Variants in SFT2D2 observed in about 807,000 individuals in gnomAD.
SFT2D2 encodes vesicle transport protein SFT2B.
Under a neutral mutation model 27.4 loss-of-function variants are expected in SFT2D2, and 21 were observed. The observed-to-expected ratio is 0.77, with a 90% CI of 0.54 to 1.10. SFT2D2 has a LOEUF of 1.10. SFT2D2 is among the 50% of genes least tolerant of loss of function. The pLI is 0.00. For synonymous variants in SFT2D2, 72 were observed against 71.7 expected (o/e 1.00, Z -0.02); for missense variants, 187 against 194.2 (o/e 0.96, Z 0.22).
At chr1:168,230,382 G>T (rs1482706394) in intron 1 of SFT2D2, among the ~76,000 whole-genome samples, 1 of 152,164 alleles carries the variant, frequency 6.6e-6, no homozygotes, top group African/African-American at 2.4e-5. Context: ...TGTGGTGTTG[G>T]TCTCTTACGG....
chr1:168,229,301 G>T (rs146434557), intron 1 of SFT2D2, among the ~76,000 whole-genome samples: 64 of 152,258 alleles, frequency 4.2e-4, no homozygotes, highest in African/African-American at 1.3e-3. Flanking sequence ...CTCACTGCAG[G>T]CTCCGCCTCC....
intron 6 of SFT2D2, among the ~76,000 whole-genome samples, chr1:168,237,861 G>A (rs74401649): frequency 1.0e-5 from 1 of 98,330 alleles, no homozygotes; most frequent in African/African-American, 3.4e-5. Flanking sequence ...GTGTGTGTAT[G>A]TTTTTTTTTT....
chr1:168,235,077 T>C (rs201920979), intron 3 of SFT2D2, 24 bp from the exon 4 acceptor site: 1 of 1,612,266 alleles, frequency 6.2e-7, no homozygotes, highest in East Asian at 2.2e-5. Flanking sequence ...CTGAACGGCT[T>C]GTGTGCGTGT....
At chr1:168,241,895 G>T (rs1272870997) in intron 7 of SFT2D2, among the ~76,000 whole-genome samples, 1 of 152,136 alleles carries the variant, frequency 6.6e-6, no homozygotes, top group African/African-American at 2.4e-5. Context: ...ACAGAGCTGG[G>T]GTATGAGAAG....
chr1:168,241,038 T>C (rs1647631645), intron 7 of SFT2D2, among the ~76,000 whole-genome samples: 1 of 152,140 alleles, frequency 6.6e-6, no homozygotes, highest in Non-Finnish European at 1.5e-5. Flanking sequence ...CTTGGAGTCA[T>C]TTGTCAGAGC....
intron 2 of SFT2D2, 36 bp from the exon 3 acceptor site, chr1:168,231,798 G>C (rs1347089175): frequency 6.2e-7 from 1 of 1,603,320 alleles, no homozygotes; most frequent in South Asian, 1.1e-5. Flanking sequence ...GGGTGGGAGG[G>C]TTGCTCATGT....
At chr1:168,239,529 A>G (rs1647590982) in intron 7 of SFT2D2, among the ~76,000 whole-genome samples, 1 of 150,698 alleles carries the variant, frequency 6.6e-6, no homozygotes, top group Admixed American at 6.6e-5. Flanking sequence ...AGGGATCTCA[A>G]TTCGTGCTTC....
rs981721877 is a variant in SFT2D2, at chr1:168,245,277, A to G, written c.*2737A>G. 3 of 152,270 alleles carry G rather than the reference A, an allele frequency of 2.0e-5. No homozygotes were observed. The highest frequency in any genetic ancestry group is 4.4e-5 in the Non-Finnish European group (3 of 68,050). The allele number at this position is 152,270 out of a possible 1,614,324, so 9.4% of individuals were successfully genotyped here. ...CGCAACACAGCAGGATATATAATTG[A>G]TATACACAAATCAATTGTGTTTCTC... On this transcript the variant is annotated 3_prime_UTR_variant, in exon 8 of 8. Coordinates refer to ENST00000271375, the MANE Select transcript of SFT2D2 (RefSeq NM_199344.3).
intron 1 of SFT2D2, among the ~76,000 whole-genome samples, chr1:168,227,808 G>A (rs1700476547): frequency 6.6e-6 from 1 of 152,214 alleles, no homozygotes; most frequent in Admixed American, 6.5e-5. Flanking sequence ...TCTCCCTGCA[G>A]ACTCTTGAGG....
rs1017874934 is a variant in SFT2D2, at chr1:168,244,782, A to G, written c.*2242A>G. ...GAACTGATACGAGGCTTGGCTAGTCACTGTGAGCTCCAGCAGCTCCAGCAG... is the reference window on the plus strand; with the variant it reads ...GAACTGATACGAGGCTTGGCTAGTCGCTGTGAGCTCCAGCAGCTCCAGCAG... On this transcript the variant is annotated 3_prime_UTR_variant, in exon 8 of 8. Transcript: ENST00000271375. The G allele has an allele frequency of 6.6e-6, 1 of 152,102 alleles. No individual in the cohort carries two copies. Among genetic ancestry groups the G allele is most frequent in the East Asian group, 1.9e-4 (1 of 5,158 alleles). 9.4% of individuals were successfully genotyped at this position (152,102 alleles called of 1,614,324 possible).
chr1:168,240,004 T>A (rs1647604714), intron 7 of SFT2D2, among the ~76,000 whole-genome samples: 1 of 151,740 alleles, frequency 6.6e-6, no homozygotes, highest in African/African-American at 2.4e-5. Context: ...TGAAACCCCG[T>A]CTCTACTGAA....
At position 168,251,528 on chromosome 1, in the gene SFT2D2, G is replaced by A. The variant is rs948435218; in HGVS notation, c.*8988G>A. On this transcript the variant is annotated 3_prime_UTR_variant, in exon 8 of 8. Coordinates refer to ENST00000271375, the MANE Select transcript of SFT2D2 (RefSeq NM_199344.3). ...TTCTATTTTCTATGGGACTGTCTAC[G>A]CCAGGCTTTATTTTCTCTTTGCTCA... The A allele has an allele frequency of 2.6e-5, 4 of 152,070 alleles. No homozygotes were observed. Among genetic ancestry groups the A allele is most frequent in the African/African-American group, 9.7e-5 (4 of 41,428 alleles). The allele number at this position is 152,070 out of a possible 1,614,324, so 9.4% of individuals were successfully genotyped here. A position where few individuals can be genotyped will look rare whatever the true frequency, so the allele number is the denominator to read the frequency against.
At position 168,248,142 on chromosome 1, in the gene SFT2D2, T is replaced by G. The variant is rs1647868626; in HGVS notation, c.*5602T>G. 6.6e-6 allele frequency: 1 copy of G among 152,244 alleles called. No individual in the cohort carries two copies. The highest frequency in any genetic ancestry group is 2.1e-4 in the South Asian group (1 of 4,838). The allele number at this position is 152,244 out of a possible 1,614,324, so 9.4% of individuals were successfully genotyped here. A position where few individuals can be genotyped will look rare whatever the true frequency, so the allele number is the denominator to read the frequency against. On this transcript the variant is annotated 3_prime_UTR_variant, in exon 8 of 8. Coordinates refer to ENST00000271375, the MANE Select transcript of SFT2D2 (RefSeq NM_199344.3). ...TTGCCTGTTCACTCTGATGATAGTT[T>G]CTTTTGCTGTGCAGAAGCTCTTTGG...
In SFT2D2 at chr1:168,248,726, T is replaced by C. The variant is rs1177539680; in HGVS notation, c.*6186T>C. 6.6e-6 allele frequency: 1 copy of C among 152,252 alleles called. No individual in the cohort carries two copies. Among genetic ancestry groups the C allele is most frequent in the Non-Finnish European group, 1.5e-5 (1 of 68,064 alleles). The allele number at this position is 152,252 out of a possible 1,614,324, so 9.4% of individuals were successfully genotyped here. A position where few individuals can be genotyped will look rare whatever the true frequency, so the allele number is the denominator to read the frequency against. On this transcript the variant is annotated 3_prime_UTR_variant, in exon 8 of 8. Coordinates refer to ENST00000271375, the MANE Select transcript of SFT2D2 (RefSeq NM_199344.3). ...GTGAATCCATCTGGTCCTGGACTTT[T>C]TATGGTTGGTAGGCTATTAATTACT...
At position 168,249,191 on chromosome 1, in the gene SFT2D2, T is replaced by C. The variant is rs1444424251; in HGVS notation, c.*6651T>C. The C allele has an allele frequency of 6.6e-6, 1 of 152,216 alleles. No homozygotes were observed. Among genetic ancestry groups the C allele is most frequent in the Non-Finnish European group, 1.5e-5 (1 of 68,036 alleles). The allele number at this position is 152,216 out of a possible 1,614,324, so 9.4% of individuals were successfully genotyped here. ...ATGTTAGGGTGTTGATTTTAGATCT[T>C]TCCTGCTTTCTCTTGTGGGCATTTA... On this transcript the variant is annotated 3_prime_UTR_variant, in exon 8 of 8. Coordinates refer to ENST00000271375, the MANE Select transcript of SFT2D2 (RefSeq NM_199344.3).
At chr1:168,241,340 C>T (rs779266527) in intron 7 of SFT2D2, among the ~76,000 whole-genome samples, 3 of 150,922 alleles carry the variant, frequency 2.0e-5, no homozygotes, top group Non-Finnish European at 2.9e-5. Flanking sequence ...TCCATGTGCA[C>T]GCCACCATGC....
chr1:168,244,221 A>G lies in SFT2D2; in HGVS notation c.*1681A>G, dbSNP rs1192611555. On this transcript the variant is annotated 3_prime_UTR_variant, in exon 8 of 8. Coordinates refer to ENST00000271375, the MANE Select transcript of SFT2D2 (RefSeq NM_199344.3). Reference sequence around the variant, plus strand: ...GAGATGGAGTCTCACTCCGTCGCCCAGGCTGGAGTGCAGTGGCGTGATCTC... The same window carrying G: ...GAGATGGAGTCTCACTCCGTCGCCCGGGCTGGAGTGCAGTGGCGTGATCTC... The G allele has an allele frequency of 6.8e-6, 1 of 147,516 alleles. No individual in the cohort carries two copies. The highest frequency in any genetic ancestry group is 2.5e-5 in the African/African-American group (1 of 39,604). The allele number at this position is 147,516 out of a possible 1,614,324, so 9.1% of individuals were successfully genotyped here.
chr1:168,236,872 C>T (rs1558177012), intron 6 of SFT2D2, 102 bp downstream of exon 6: 1 of 1,331,136 alleles, frequency 7.5e-7, no homozygotes, highest in Non-Finnish European at 1.1e-6. Context: ...TAAGAAAACA[C>T]AGAAGCTGTT....
intron 1 of SFT2D2, among the ~76,000 whole-genome samples, chr1:168,230,083 T>C (rs1054735060): frequency 6.6e-6 from 1 of 152,170 alleles, no homozygotes; most frequent in Admixed American, 6.5e-5. Context: ...GAGAGTAAGG[T>C]AGTCTTTGGC....
Sources: gnomAD v4.1 joint callset for allele counts (sites outside exome capture counted in the v4.1 genomes callset) on GRCh38, gnomAD v4.1.1 for gene constraint, MANE v1.5 for transcripts, NCBI Gene and HGNC (gene_info 2026-07-23, HGNC 2026-07-21) for gene names.